Variants in PTPRT observed in about 807,000 individuals in gnomAD.
PTPRT encodes the protein receptor-type tyrosine-protein phosphatase T.
A neutral mutation model predicts 176.8 loss-of-function variants in PTPRT; 56 were observed. The observed-to-expected ratio is 0.32, with a 90% CI of 0.26 to 0.40. The LOEUF (loss-of-function observed/expected upper bound fraction) is 0.40, where lower values mean the gene tolerates loss of function less well. PTPRT is among the 10% of genes least tolerant of loss of function. The pLI, the probability that PTPRT is intolerant of heterozygous loss-of-function variation, is 1.00. For missense variants in PTPRT, 1,540 were observed against 1,908.2 expected (o/e 0.81, Z 3.60); for synonymous variants, 783 against 739.0 (o/e 1.06, Z -0.96).
chr20:42,832,801 T>TAA (rs778457370), intron 2 of PTPRT, among the ~76,000 whole-genome samples: 38,397 of 106,988 alleles, frequency 0.36, 7,791 homozygotes, highest in Non-Finnish European at 0.45. Context: ...TAGGATTTGT[T>TAA]AAAAAAAAAA....
intron 7 of PTPRT, among the ~76,000 whole-genome samples, chr20:42,512,919 G>C (rs944386390): frequency 1.3e-5 from 2 of 152,070 alleles, no homozygotes; most frequent in Admixed American, 6.6e-5. Flanking sequence ...GAGTGCAATG[G>C]CATGATCTTG....
At chr20:42,931,503 G>A (rs1979846472) in intron 1 of PTPRT, among the ~76,000 whole-genome samples, 1 of 152,228 alleles carries the variant, frequency 6.6e-6, no homozygotes, top group Non-Finnish European at 1.5e-5. Flanking sequence ...CCTCCCAAAT[G>A]CTGAAGAACT....
intron 29 of PTPRT, among the ~76,000 whole-genome samples, chr20:42,084,225 C>T (rs921263208): frequency 5.3e-5 from 8 of 152,214 alleles, no homozygotes; most frequent in Non-Finnish European, 1.0e-4. Context: ...AATGTCCATT[C>T]GAAGACAGGA....
intron 29 of PTPRT, among the ~76,000 whole-genome samples, chr20:42,083,547 A>G (rs1358527219): frequency 6.6e-6 from 1 of 152,104 alleles, no homozygotes; most frequent in East Asian, 1.9e-4. Flanking sequence ...GTGCATCTCT[A>G]TGTGTCTGTG....
At chr20:42,725,753 G>C (rs1179013626) in intron 6 of PTPRT, among the ~76,000 whole-genome samples, 3 of 152,058 alleles carry the variant, frequency 2.0e-5, no homozygotes, top group Non-Finnish European at 4.4e-5. Flanking sequence ...GTGGGAGACA[G>C]TGTTGCAATT....
At chr20:42,489,681 T>C (rs553263522) in intron 7 of PTPRT, among the ~76,000 whole-genome samples, 4 of 152,312 alleles carry the variant, frequency 2.6e-5, no homozygotes, top group South Asian at 4.1e-4. Flanking sequence ...CTCAGCATTA[T>C]GCTTTTAAGG....
At chr20:42,033,306 C>T in the PTPRT span, among the ~76,000 whole-genome samples, 2 of 152,310 alleles carry the variant, frequency 1.3e-5, no homozygotes, top group Admixed American at 1.3e-4. Flanking sequence ...CTAGAGTTCT[C>T]TCTGCCTCAG....
intron 1 of PTPRT, among the ~76,000 whole-genome samples, chr20:43,144,117 T>C (rs1358859571): frequency 1.3e-5 from 2 of 152,122 alleles, no homozygotes; most frequent in African/African-American, 2.4e-5. Context: ...TCCATCCACT[T>C]CCACGATTCA....
intron 2 of PTPRT, among the ~76,000 whole-genome samples, chr20:42,816,536 G>A (rs1393777038): frequency 3.3e-5 from 5 of 152,100 alleles, no homozygotes; most frequent in Non-Finnish European, 7.4e-5. Flanking sequence ...CCCACATGTC[G>A]AGGAAGGGAG....
intron 19 of PTPRT, among the ~76,000 whole-genome samples, chr20:42,127,890 T>C (rs939685617): frequency 1.3e-5 from 2 of 152,212 alleles, no homozygotes; most frequent in African/African-American, 4.8e-5. Flanking sequence ...TTCCCTCGGA[T>C]CTGTCTTATC....
intron 16 of PTPRT, among the ~76,000 whole-genome samples, chr20:42,166,157 GCA>G (rs1021019548): frequency 1.3e-5 from 2 of 152,202 alleles, no homozygotes; most frequent in African/African-American, 4.8e-5. Flanking sequence ...CAATGCAGGT[GCA>G]CACAGACTTA....
At chr20:43,139,051 G>A (rs2013922002) in intron 1 of PTPRT, among the ~76,000 whole-genome samples, 1 of 152,174 alleles carries the variant, frequency 6.6e-6, no homozygotes, top group East Asian at 1.9e-4. Flanking sequence ...TAATGAAGAC[G>A]CCCCATGTAA....
At chr20:42,526,956 C>CTTTTTTTTTTTTTTTTTTTTT (rs915511549) in intron 7 of PTPRT, among the ~76,000 whole-genome samples, 2 of 78,714 alleles carry the variant, frequency 2.5e-5, no homozygotes, top group African/African-American at 4.9e-5. Flanking sequence ...GTTCTTTTTT[C>CTTTTTTTTTTTTTTTTTTTTT]TTTTTTTTTT....
chr20:42,878,873 A>C (rs2078972885), intron 2 of PTPRT, among the ~76,000 whole-genome samples: 1 of 152,060 alleles, frequency 6.6e-6, no homozygotes, highest in South Asian at 2.1e-4. Flanking sequence ...CTAAAAATAC[A>C]GAAAAATTAG....
intron 2 of PTPRT, among the ~76,000 whole-genome samples, chr20:42,856,727 C>A (rs2078569867): frequency 6.6e-6 from 1 of 151,788 alleles, no homozygotes; most frequent in Non-Finnish European, 1.5e-5. Context: ...GGCTGGAGGA[C>A]CCTCATCTAG....
At chr20:42,068,732 A>G (rs537249628), downstream of PTPRT, among the ~76,000 whole-genome samples, 1 of 152,322 alleles carries the variant, frequency 6.6e-6, no homozygotes, top group East Asian at 1.9e-4. Flanking sequence ...TAATCAGAGG[A>G]AATTCCTCCC....
chr20:42,610,794 T>C (rs976615837), intron 7 of PTPRT, among the ~76,000 whole-genome samples: 1 of 152,208 alleles, frequency 6.6e-6, no homozygotes, highest in African/African-American at 2.4e-5. Flanking sequence ...TCATTGTAAG[T>C]CAATTTTAGA....
rs145214275 is a variant in PTPRT at position 42,737,460 on chromosome 20, G to A, written c.859+19002C>T. Among the ~76,000 whole-genome samples the A allele has an allele frequency of 3.7e-3, 565 of 152,160 alleles. 16 individuals carry two copies. The highest frequency in any genetic ancestry group is 0.029 in the Admixed American group (439 of 15,280). ...AGCCTGGTCAACATGGCTAAACCCC[G>A]TCTCTACTAAAAATGCAAAAATTAG... On this transcript the variant is annotated intron_variant, in intron 6 of 30. Transcript: ENST00000373187.
At chr20:42,614,882 G>A (rs1220027821) in intron 7 of PTPRT, among the ~76,000 whole-genome samples, 1 of 151,718 alleles carries the variant, frequency 6.6e-6, no homozygotes, top group East Asian at 1.9e-4. Context: ...GGCAAAGAGA[G>A]AGCTTGTATA....
Sources: allele counts gnomAD v4.1 joint callset (sites outside exome capture counted in the v4.1 genomes callset), GRCh38; gene constraint gnomAD v4.1.1; transcripts MANE v1.5; gene names NCBI Gene and HGNC (gene_info 2026-07-23, HGNC 2026-07-21).